Variants in DCC observed in about 807,000 individuals in gnomAD.
DCC encodes the protein netrin receptor DCC.
Under a neutral mutation model 172.5 loss-of-function variants are expected in DCC, and 58 were observed. That is an observed-to-expected ratio of 0.34 (90% confidence interval 0.27 to 0.42). The LOEUF is 0.42. DCC is among the 10% of genes least tolerant of loss of function. DCC has a pLI of 1.00. For synonymous variants in DCC, 709 were observed against 644.5 expected, an observed-to-expected ratio of 1.10 and a Z score of -1.52; for missense variants, 1,740 against 1,791.0, an observed-to-expected ratio of 0.97 and a Z score of 0.51.
chr18:52,867,369 G>T (rs2039244200), intron 2 of DCC, among the ~76,000 whole-genome samples: 1 of 152,106 alleles, frequency 6.6e-6, no homozygotes, highest in African/African-American at 2.4e-5. Context: ...GTCAGGTTTT[G>T]GTATCAGGAT....
At chr18:52,541,883 ATATATATATATATGTG>A (rs1266754739) in intron 1 of DCC, among the ~76,000 whole-genome samples, 2 of 137,414 alleles carry the variant, frequency 1.5e-5, no homozygotes, top group African/African-American at 2.7e-5. Context: ...GTGTATATAT[ATATATATATATATGTG>A]TATATATATA....
chr18:53,238,475 G>GAAAC (rs1226263147), intron 12 of DCC, among the ~76,000 whole-genome samples: 1 of 152,016 alleles, frequency 6.6e-6, no homozygotes, highest in Non-Finnish European at 1.5e-5. Flanking sequence ...TTAAGATGAA[G>GAAAC]AAACAAAGAA....
At chr18:53,112,654 T>C (rs893768767) in intron 7 of DCC, among the ~76,000 whole-genome samples, 4 of 151,556 alleles carry the variant, frequency 2.6e-5, no homozygotes, top group Non-Finnish European at 4.4e-5. Context: ...AGACATGTTT[T>C]TTAGACTCTT....
chr18:52,959,219 T>A (rs2040799204), intron 5 of DCC, among the ~76,000 whole-genome samples: 1 of 152,198 alleles, frequency 6.6e-6, no homozygotes, highest in East Asian at 1.9e-4. Context: ...AAACAGAGTT[T>A]TAAATGAGTT....
chr18:52,485,328 C>T (rs2030164916), intron 1 of DCC, among the ~76,000 whole-genome samples: 1 of 152,042 alleles, frequency 6.6e-6, no homozygotes, highest in South Asian at 2.1e-4. Flanking sequence ...CCTCAGCAGG[C>T]AGATACTTGC....
At chr18:52,693,447 T>C (rs2035962878) in intron 1 of DCC, among the ~76,000 whole-genome samples, 1 of 147,518 alleles carries the variant, frequency 6.8e-6, no homozygotes, top group Admixed American at 6.8e-5. Context: ...ATGGGATATA[T>C]ATCTTTATAT....
At chr18:53,482,827 C>T (rs538053187) in intron 25 of DCC, among the ~76,000 whole-genome samples, 7 of 152,058 alleles carry the variant, frequency 4.6e-5, no homozygotes, top group African/African-American at 1.7e-4. Flanking sequence ...ATTCAGTTGA[C>T]TGCCTCAGAG....
chr18:53,285,031 G>T (rs1568411847), intron 12 of DCC, among the ~76,000 whole-genome samples: 1 of 152,116 alleles, frequency 6.6e-6, no homozygotes. Flanking sequence ...AGGTAACTTG[G>T]CTGCTCTCAA....
intron 2 of DCC, among the ~76,000 whole-genome samples, chr18:52,788,236 T>C (rs969839502): frequency 6.6e-6 from 1 of 152,192 alleles, no homozygotes; most frequent in Non-Finnish European, 1.5e-5. Context: ...TATAATCTTT[T>C]ACTAAAAGAC....
At chr18:53,254,852 T>C (rs1467927381) in intron 12 of DCC, among the ~76,000 whole-genome samples, 1 of 152,102 alleles carries the variant, frequency 6.6e-6, no homozygotes, top group African/African-American at 2.4e-5. Flanking sequence ...GCAATATTTC[T>C]ATGAAACATA....
intron 2 of DCC, among the ~76,000 whole-genome samples, chr18:52,858,355 G>A (rs1229440097): frequency 1.3e-5 from 2 of 152,184 alleles, no homozygotes; most frequent in East Asian, 1.9e-4. Context: ...TACTGGTAGA[G>A]TAAATCGAGA....
chr18:52,987,221 C>T (rs1249325728), intron 5 of DCC, among the ~76,000 whole-genome samples: 1 of 152,172 alleles, frequency 6.6e-6, no homozygotes, highest in African/African-American at 2.4e-5. Flanking sequence ...CAAAAGCAAT[C>T]AGGTTTTCAC....
chr18:53,487,210 G>T (rs1004221888), intron 26 of DCC, among the ~76,000 whole-genome samples: 4 of 152,046 alleles, frequency 2.6e-5, no homozygotes, highest in Non-Finnish European at 4.4e-5. Context: ...AATGTCAAGT[G>T]GTTCCATCAA....
At chr18:52,544,501 C>T (rs1160346778) in intron 1 of DCC, among the ~76,000 whole-genome samples, 1 of 150,718 alleles carries the variant, frequency 6.6e-6, no homozygotes. Context: ...CTGTCTGCTT[C>T]CTGCTGTGAT....
chr18:53,375,365 TAAAGTA>T (rs2058099614), intron 15 of DCC, among the ~76,000 whole-genome samples: 1 of 152,060 alleles, frequency 6.6e-6, no homozygotes, highest in East Asian at 1.9e-4. Context: ...TACCAGAAAG[TAAAGTA>T]AAAGGAGAAA....
intron 7 of DCC, among the ~76,000 whole-genome samples, chr18:53,098,422 A>G (rs1026736517): frequency 6.6e-6 from 1 of 152,108 alleles, no homozygotes. Context: ...AATCTGTAAC[A>G]CTTTTTCCAT....
chr18:52,591,644 A>C (rs996442977), intron 1 of DCC, among the ~76,000 whole-genome samples: 2 of 151,984 alleles, frequency 1.3e-5, no homozygotes, highest in African/African-American at 4.8e-5. Context: ...TTGAGACAGG[A>C]TGATCACAGC....
intron 1 of DCC, among the ~76,000 whole-genome samples, chr18:52,586,624 A>G (rs2033680634): frequency 6.6e-6 from 1 of 152,154 alleles, no homozygotes; most frequent in African/African-American, 2.4e-5. Flanking sequence ...ACAGGAAGCA[A>G]AACGTTTGCT....
chr18:53,435,514 A>G (rs1032375992), intron 22 of DCC, among the ~76,000 whole-genome samples: 3 of 152,182 alleles, frequency 2.0e-5, no homozygotes, highest in Non-Finnish European at 4.4e-5. Context: ...AAATACCAAG[A>G]TTTTTAAATG....
Sources: gnomAD v4.1 joint callset for allele counts (sites outside exome capture counted in the v4.1 genomes callset) on GRCh38, gnomAD v4.1.1 for gene constraint, MANE v1.5 for transcripts, NCBI Gene and HGNC (gene_info 2026-07-23, HGNC 2026-07-21) for gene names.